Variants in CCDC60 observed in about 807,000 individuals in gnomAD.
The protein encoded by CCDC60 is coiled-coil domain-containing protein 60.
CCDC60 carries 54 observed loss-of-function variants against 63.5 expected under a neutral mutation model. That is an observed-to-expected ratio of 0.85 (90% CI 0.68 to 1.07). CCDC60 has a LOEUF of 1.07. CCDC60 is among the 50% of genes least tolerant of loss of function. The pLI is 0.00. For missense variants in CCDC60, 651 were observed against 684.3 expected, an observed-to-expected ratio of 0.95 and a Z score of 0.54; for synonymous variants, 206 against 238.8, an observed-to-expected ratio of 0.86 and a Z score of 1.27.
At chr12:119,524,873 C>G in intron 11 of CCDC60, among the ~76,000 whole-genome samples, 1 of 151,694 alleles carries the variant, frequency 6.6e-6, no homozygotes, top group Admixed American at 6.6e-5. Flanking sequence ...GCTATATTTT[C>G]CAGGCTGGTG....
intron 1 of CCDC60, among the ~76,000 whole-genome samples, chr12:119,361,871 G>A (rs1032473337): frequency 2.6e-5 from 4 of 152,198 alleles, no homozygotes; most frequent in Non-Finnish European, 4.4e-5. Flanking sequence ...GGTTAAGTCC[G>A]TACATATAGA....
intron 4 of CCDC60, among the ~76,000 whole-genome samples, chr12:119,482,033 A>G (rs971736989): frequency 2.7e-5 from 4 of 146,626 alleles, no homozygotes; most frequent in Non-Finnish European, 6.0e-5. Context: ...ATATGTGTGT[A>G]TATATATGTA....
At chr12:119,396,901 G>A (rs1956265789) in intron 1 of CCDC60, among the ~76,000 whole-genome samples, 2 of 152,278 alleles carry the variant, frequency 1.3e-5, no homozygotes, top group South Asian at 2.1e-4. Context: ...ACGGACCCTC[G>A]CAGTGGGTGT....
At chr12:119,454,360 G>C (rs1950687597) in intron 2 of CCDC60, among the ~76,000 whole-genome samples, 1 of 152,130 alleles carries the variant, frequency 6.6e-6, no homozygotes, top group South Asian at 2.1e-4. Flanking sequence ...GCTTAGCTCA[G>C]TGCCTCACTC....
intron 1 of CCDC60, among the ~76,000 whole-genome samples, chr12:119,347,297 G>A (rs1955607375): frequency 6.6e-6 from 1 of 152,148 alleles, no homozygotes; most frequent in African/African-American, 2.4e-5. Context: ...GCTCTGGGGT[G>A]TGTGTGGCTG....
At position 119,354,224 on chromosome 12, in the gene CCDC60, TA is replaced by T. The variant is rs1955693852; in HGVS notation, c.90+18963del. On this transcript the variant is annotated intron_variant, in intron 1 of 13. Coordinates refer to ENST00000327554, the MANE Select transcript of CCDC60 (RefSeq NM_178499.5). ...AATAATTGTAACAATTTTATCTGTT[TA>T]AAAAGTGAACAGAAAAACCCTAGAC... Among the ~76,000 whole-genome samples the T allele has an allele frequency of 2.0e-5, 3 of 152,176 alleles. No homozygotes were observed. The South Asian group carries it at 6.2e-4, about 32-fold the overall frequency.
At chr12:119,492,888 T>TTAGG (rs1392808802) in intron 5 of CCDC60, among the ~76,000 whole-genome samples, 2 of 152,092 alleles carry the variant, frequency 1.3e-5, no homozygotes, top group East Asian at 1.9e-4. Context: ...TAAAGAGAAG[T>TTAGG]TAGGTGTACG....
At chr12:119,440,942 T>C (rs1325962630) in intron 2 of CCDC60, among the ~76,000 whole-genome samples, 2 of 140,570 alleles carry the variant, frequency 1.4e-5, no homozygotes, top group Admixed American at 7.3e-5. Context: ...TGGAACAATG[T>C]CTGACACACG....
chr12:119,454,797 G>T (rs534086507), intron 2 of CCDC60, among the ~76,000 whole-genome samples: 3 of 152,130 alleles, frequency 2.0e-5, no homozygotes, highest in African/African-American at 7.2e-5. Context: ...ACATAAAAAG[G>T]GTTTACATTT....
At chr12:119,350,174 TTTATTTATTTA>T (rs1955641051) in intron 1 of CCDC60, among the ~76,000 whole-genome samples, 1 of 6,314 alleles carries the variant, frequency 1.6e-4, no homozygotes, top group African/African-American at 1.5e-3. Flanking sequence ...TGCTTTATTA[TTTATTTATTTA>T]TTTATTTATT....
At chr12:119,379,249 A>G (rs2136183870) in intron 1 of CCDC60, among the ~76,000 whole-genome samples, 1 of 152,328 alleles carries the variant, frequency 6.6e-6, no homozygotes, top group African/African-American at 2.4e-5. Flanking sequence ...GTGTCCTCCA[A>G]ACCACTCACA....
At chr12:119,462,191 A>G (rs139509084) in intron 2 of CCDC60, among the ~76,000 whole-genome samples, 1 of 152,322 alleles carries the variant, frequency 6.6e-6, no homozygotes, top group East Asian at 1.9e-4. Context: ...AATTGATAAG[A>G]CAAGCATTTA....
In CCDC60 at chr12:119,363,913, T is replaced by C. The variant is rs555900315; in HGVS notation, c.90+28647T>C. 2.6e-5 allele frequency among the ~76,000 whole-genome samples: 4 copies of C among 152,348 alleles called. No individual in the cohort carries two copies. In the South Asian group the frequency reaches 6.2e-4, roughly 24 times the overall value. ...TTGGGATTTTCATTTTTTAGCACTT[T>C]AAATATGTCATTCTGTTGTTTTATG... On this transcript the variant is annotated intron_variant, in intron 1 of 13. Transcript: ENST00000327554.
intron 2 of CCDC60, among the ~76,000 whole-genome samples, chr12:119,438,475 G>A (rs1950370970): frequency 6.6e-6 from 1 of 152,182 alleles, no homozygotes; most frequent in African/African-American, 2.4e-5. Flanking sequence ...TCTGGCATTG[G>A]AGTCAGCTGT....
intron 2 of CCDC60, among the ~76,000 whole-genome samples, chr12:119,446,978 T>G (rs1478598594): frequency 6.6e-6 from 1 of 152,032 alleles, no homozygotes; most frequent in African/African-American, 2.4e-5. Flanking sequence ...TGGGCTAGGA[T>G]TGAGGTAAGG....
intron 1 of CCDC60, among the ~76,000 whole-genome samples, chr12:119,338,079 C>T (rs36081237): frequency 0.036 from 5,495 of 152,080 alleles, 132 homozygotes; most frequent in Non-Finnish European, 0.053. Context: ...ACTTCCGGCC[C>T]GAAAGCCTCA....
At chr12:119,457,235 AACTAAAGGGACTTCTCCTCCAC>A (rs1950765209) in intron 2 of CCDC60, among the ~76,000 whole-genome samples, 1 of 152,246 alleles carries the variant, frequency 6.6e-6, no homozygotes, top group Admixed American at 6.5e-5. Flanking sequence ...AAACTGAAGC[AACTAAAGGGACTTCTCCTCCAC>A]TGAGAGTCAA....
At chr12:119,393,293 C>T (rs10849653) in intron 1 of CCDC60, among the ~76,000 whole-genome samples, 46,867 of 152,074 alleles carry the variant, frequency 0.31, 7,488 homozygotes, top group South Asian at 0.49. Context: ...AAGATTTCAT[C>T]GTGCAGGAAA....
intron 2 of CCDC60, among the ~76,000 whole-genome samples, chr12:119,465,632 C>A (rs890191182): frequency 6.6e-6 from 1 of 152,030 alleles, no homozygotes; most frequent in Non-Finnish European, 1.5e-5. Flanking sequence ...ATGGTGGGCA[C>A]CTGTAATCCC....
Sources: gnomAD v4.1 joint callset for allele counts (sites outside exome capture counted in the v4.1 genomes callset) on GRCh38, gnomAD v4.1.1 for gene constraint, MANE v1.5 for transcripts, NCBI Gene and HGNC (gene_info 2026-07-23, HGNC 2026-07-21) for gene names.